HES2: variants seen among roughly 807,000 people sequenced by gnomAD.
HES2 encodes the protein transcription factor HES-2.
HES2 carries 11 observed loss-of-function variants against 11.9 expected under a neutral mutation model. The observed-to-expected ratio is 0.92, with a 90% CI of 0.58 to 1.53. The LOEUF (loss-of-function observed/expected upper bound fraction) is 1.53. HES2 is among the 40% of genes most tolerant of loss of function. The probability of loss-of-function intolerance (pLI) is 0.00; values close to 1 mark genes in which losing one functional copy is unlikely to be tolerated. For missense variants in HES2, 260 were observed against 253.8 expected, an observed-to-expected ratio of 1.02 and a Z score of -0.16; for synonymous variants, 125 against 122.8, an observed-to-expected ratio of 1.02 and a Z score of -0.12.
rs1353114878 is a variant in HES2 at position 6,417,294 on chromosome 1, G to A, written c.*1579C>T. The A allele has an allele frequency of 6.6e-6, 1 of 152,276 alleles. No individual in the cohort carries two copies. Among genetic ancestry groups the A allele is most frequent in the African/African-American group, 2.4e-5 (1 of 41,456 alleles). The allele number at this position is 152,276 out of a possible 1,614,324, so 9.4% of individuals were successfully genotyped here. A position where few individuals can be genotyped will look rare whatever the true frequency, so the allele number is the denominator to read the frequency against. ...GGTCATCATGGGCTTGTGTGGCACA[G>A]TCAGATTTAGTGACCATCCCCACTC... is the stretch of plus-strand genomic sequence containing the variant. On this transcript the variant is annotated 3_prime_UTR_variant, in exon 4 of 4. Transcript: ENST00000377834.
rs1642889423 is a variant in HES2, at chr1:6,419,661, G to C, written c.87C>G (p.Ile29Met). 2 of 1,555,462 alleles carry C rather than the reference G, an allele frequency of 1.3e-6. No homozygotes were observed. Among genetic ancestry groups the C allele is most frequent in the Non-Finnish European group, 1.7e-6 (2 of 1,153,786 alleles). ...PLLEKRRRARINQSLSQLKGL... is the reference protein window; with the variant it reads ...PLLEKRRRARMNQSLSQLKGL... Reference sequence around the variant, plus strand: ...CCTTAAGCTGGCTCAGGCTCTGGTTGATGCGCGCGCGCCGGCGCTTCTCCA... The same window carrying C: ...CCTTAAGCTGGCTCAGGCTCTGGTTCATGCGCGCGCGCCGGCGCTTCTCCA... The change falls in exon 2 of 4, where the codon ATC (isoleucine) becomes ATG (methionine). Residue 29 changes from isoleucine (I) to methionine (M), a missense_variant. Coordinates refer to ENST00000377834, the MANE Select transcript of HES2 (RefSeq NM_019089.5). This position sits in a 1 kb window ranked among gnomAD's most constrained non-coding sequence, Gnocchi z 8.1.
rs1642859479 is a variant in HES2 at position 6,416,967 on chromosome 1, G to C, written c.*1906C>G. The C allele has an allele frequency of 6.6e-6, 1 of 152,352 alleles. No homozygotes were observed. The highest frequency in any genetic ancestry group is 2.4e-5 in the African/African-American group (1 of 41,446). The allele number at this position is 152,352 out of a possible 1,614,324, so 9.4% of individuals were successfully genotyped here. On this transcript the variant is annotated 3_prime_UTR_variant, in exon 4 of 4. Coordinates refer to ENST00000377834, the MANE Select transcript of HES2 (RefSeq NM_019089.5). Reference sequence around the variant, plus strand: ...ATATCCAACAGTGATCCCAGGGCATGGGAGTGGGAGTTAAGGCAAATGCCA... The same window carrying C: ...ATATCCAACAGTGATCCCAGGGCATCGGAGTGGGAGTTAAGGCAAATGCCA...
Position 6,415,352 on chromosome 1 carries a change from A to G in HES2, c.*3521T>C, listed in dbSNP as rs15552. ...CTATTGGCAACATTTTCCCACGAGC[A>G]TGTGCCCACTTTGTATCTGTGTGTC... is the stretch of plus-strand genomic sequence containing the variant. On this transcript the variant is annotated 3_prime_UTR_variant, in exon 4 of 4. Transcript: ENST00000377834. The G allele has an allele frequency of 1.3e-5, 2 of 151,556 alleles. No homozygotes were observed. The highest frequency in any genetic ancestry group is 4.2e-4 in the South Asian group (2 of 4,802). The allele number at this position is 151,556 out of a possible 1,614,324, so 9.4% of individuals were successfully genotyped here.
rs2148494204 is a variant in HES2 at position 6,415,398 on chromosome 1, A to G, written c.*3475T>C. The G allele has an allele frequency of 6.6e-6, 1 of 151,984 alleles. No individual in the cohort carries two copies. The highest frequency in any genetic ancestry group is 1.9e-4 in the East Asian group (1 of 5,170). 9.4% of individuals were successfully genotyped at this position (151,984 alleles called of 1,614,324 possible). On this transcript the variant is annotated 3_prime_UTR_variant, in exon 4 of 4. Transcript: ENST00000377834. ...GTGTCACACTTTCGCAATTCTTGCA[A>G]TATTTCAAACTTCTTCCTTATTATA...
chr1:6,419,405 G>A lies in HES2; in HGVS notation c.142-65C>T. On this transcript the variant is annotated intron_variant, in intron 2 of 3. Transcript: ENST00000377834. The surrounding 1 kb of genome is among the most constrained non-coding windows in gnomAD (Gnocchi z 8.1). ...AGACAGAACTTTGGCCGGCTACCGT[G>A]CGCACCCTCGCTCTAGTCGGGAGCT... 1 of 1,401,400 alleles carries A rather than the reference G, an allele frequency of 7.1e-7. No homozygotes were observed. The highest frequency in any genetic ancestry group is 9.8e-7 in the Non-Finnish European group (1 of 1,020,140). The allele number at this position is 1,401,400 out of a possible 1,614,324, so 86.8% of individuals were successfully genotyped here. A position where few individuals can be genotyped will look rare whatever the true frequency, so the allele number is the denominator to read the frequency against.
At position 6,419,695 on chromosome 1, in the gene HES2, T is replaced by C. The variant is rs1281773066; in HGVS notation, c.53A>G (p.Lys18Arg). Residue 18 changes from lysine (K) to arginine (R), a missense_variant, in exon 2 of 4, where the codon AAG becomes AGG. Coordinates refer to ENST00000377834, the MANE Select transcript of HES2 (RefSeq NM_019089.5). The surrounding 1 kb of genome is among the most constrained non-coding windows in gnomAD (Gnocchi z 8.1). ...GCGCCGGCGCTTCTCCAGCAGCGGC[T>C]TCAGGCTCTGCGGACGGGCGGCGCG... ...GDAAELRKSL[K>R]PLLEKRRRAR... is the part of the protein sequence containing the mutation. 1 of 1,555,940 alleles carries C rather than the reference T, an allele frequency of 6.4e-7. No individual in the cohort carries two copies. The highest frequency in any genetic ancestry group is 1.2e-5 in the South Asian group (1 of 84,660).
In HES2 at chr1:6,415,671, G is replaced by A. The variant is rs569139942; in HGVS notation, c.*3202C>T. 1 of 152,348 alleles carries A rather than the reference G, an allele frequency of 6.6e-6. No homozygotes were observed. The highest frequency in any genetic ancestry group is 2.4e-5 in the African/African-American group (1 of 41,574). The allele number at this position is 152,348 out of a possible 1,614,324, so 9.4% of individuals were successfully genotyped here. Reference sequence around the variant, plus strand: ...GTGCCCGAGGAGCAGGTAGGCGCCTGTCCCAAGCCTGAGTTTCCTGGGAAA... The same window carrying A: ...GTGCCCGAGGAGCAGGTAGGCGCCTATCCCAAGCCTGAGTTTCCTGGGAAA... On this transcript the variant is annotated 3_prime_UTR_variant, in exon 4 of 4. Transcript: ENST00000377834.
chr1:6,419,697 C>A lies in HES2; in HGVS notation c.51G>T (p.Leu17=). The change falls in exon 2 of 4, where the codon CTG becomes CTT. Residue 17 remains leucine (L), a synonymous_variant. Transcript: ENST00000377834. The surrounding 1 kb of genome is among the most constrained non-coding windows in gnomAD (Gnocchi z 8.1). The part of the protein sequence containing the change: ...AGDAAELRKS[L]KPLLEKRRRA... ...GCCGGCGCTTCTCCAGCAGCGGCTT[C>A]AGGCTCTGCGGACGGGCGGCGCGGT... 6.4e-7 allele frequency: 1 copy of A among 1,555,588 alleles called. No individual in the cohort carries two copies.
Position 6,418,965 on chromosome 1 carries a change from G to C in HES2, c.430C>G (p.Pro144Ala). 1.5e-6 allele frequency: 2 copies of C among 1,342,136 alleles called. No homozygotes were observed. Among genetic ancestry groups the C allele is most frequent in the Non-Finnish European group, 1.9e-6 (2 of 1,055,862 alleles). The allele number at this position is 1,342,136 out of a possible 1,614,324, so 83.1% of individuals were successfully genotyped here. A position where few individuals can be genotyped will look rare whatever the true frequency, so the allele number is the denominator to read the frequency against. The change falls in exon 4 of 4, where the codon CCA becomes GCA. Residue 144 changes from proline (P) to alanine (A), a missense_variant. Transcript: ENST00000377834. ...GGCTCTGGGGCAGACGCGGGCGCTG[G>C]GGCGGGGGCAGACGGGCCACTGGAA... ...GDSSGPSAPA[P>A]APASAPEPAS...
rs1385240304 is a variant in HES2 at position 6,419,155 on chromosome 1, T to C, written c.242-2A>G. 3.9e-6 allele frequency: 6 copies of C among 1,544,336 alleles called. No individual in the cohort carries two copies. In the East Asian group the frequency reaches 1.5e-4, roughly 37 times the overall value. On this transcript the variant is annotated splice_acceptor_variant, in intron 3 of 3. Transcript: ENST00000377834. LOFTEE classifies it high-confidence loss of function. This position sits in a 1 kb window ranked among gnomAD's most constrained non-coding sequence, Gnocchi z 8.1. ...CCTCGCGGTAGCTGTCGCAAGGCAC[T>C]GCGGGCGGAGAGCCGCGTGAGGCGC...
Position 6,419,509 on chromosome 1 carries a change from G to T in HES2, c.141+98C>A. The T allele has an allele frequency of 1.6e-6, 2 of 1,255,198 alleles. No homozygotes were observed. Among genetic ancestry groups the T allele is most frequent in the East Asian group, 5.5e-5 (2 of 36,526 alleles). The allele number at this position is 1,255,198 out of a possible 1,614,324, so 77.8% of individuals were successfully genotyped here. On this transcript the variant is annotated intron_variant, in intron 2 of 3. Coordinates refer to ENST00000377834, the MANE Select transcript of HES2 (RefSeq NM_019089.5). This position sits in a 1 kb window ranked among gnomAD's most constrained non-coding sequence, Gnocchi z 8.1. Reference sequence around the variant, plus strand: ...ACCCAGGCTCCGCCTCGGGCGCCGCGCGGAACCCCCTGGTGGGTTCCTCCC... The same window carrying T: ...ACCCAGGCTCCGCCTCGGGCGCCGCTCGGAACCCCCTGGTGGGTTCCTCCC...
Position 6,418,938 on chromosome 1 carries a change from C to A in HES2, c.457G>T (p.Ala153Ser). The change falls in exon 4 of 4, where the codon GCA (alanine) becomes TCA (serine). Residue 153 changes from alanine to serine, a missense_variant. Transcript: ENST00000377834. ...APAPASAPEP[A>S]SAPVPSPPSP... ...GGCGGCGAGGGCACCGGAGCGGATGCGGGCTCTGGGGCAGACGCGGGCGCT... is the reference window on the plus strand; with the variant it reads ...GGCGGCGAGGGCACCGGAGCGGATGAGGGCTCTGGGGCAGACGCGGGCGCT... 7.5e-7 allele frequency: 1 copy of A among 1,326,896 alleles called. No individual in the cohort carries two copies. Among genetic ancestry groups the A allele is most frequent in the Non-Finnish European group, 9.6e-7 (1 of 1,047,114 alleles). 82.2% of individuals were successfully genotyped at this position (1,326,896 alleles called of 1,614,324 possible). A position where few individuals can be genotyped will look rare whatever the true frequency, so the allele number is the denominator to read the frequency against.
chr1:6,419,732 G>GGTCCCCGGA lies in HES2; in HGVS notation c.45+35_46-31dup. ...GGACGGGCGGCGCGGTGGTTAGACG[G>GGTCCCCGGA]GTCCCCGGAGTCCCCAGCCCCGCCC... On this transcript the variant is annotated intron_variant, in intron 1 of 3. Transcript: ENST00000377834. This position sits in a 1 kb window ranked among gnomAD's most constrained non-coding sequence, Gnocchi z 8.1. The GGTCCCCGGA allele has an allele frequency of 6.4e-7, 1 of 1,550,984 alleles. No homozygotes were observed. The highest frequency in any genetic ancestry group is 1.4e-5 in the African/African-American group (1 of 72,584).
rs1642861778 is a variant in HES2, at chr1:6,417,233, G to C, written c.*1640C>G. ...AATGATTTTTTCAATAATGCCTACA[G>C]CTTCCTTCATATCCTGCCACCCAAA... is the stretch of plus-strand genomic sequence containing the variant. On this transcript the variant is annotated 3_prime_UTR_variant, in exon 4 of 4. Transcript: ENST00000377834. 6.6e-6 allele frequency: 1 copy of C among 152,250 alleles called. No individual in the cohort carries two copies. The highest frequency in any genetic ancestry group is 6.5e-5 in the Admixed American group (1 of 15,286). The allele number at this position is 152,250 out of a possible 1,614,324, so 9.4% of individuals were successfully genotyped here. A position where few individuals can be genotyped will look rare whatever the true frequency, so the allele number is the denominator to read the frequency against.
Position 6,417,480 on chromosome 1 carries a change from G to C in HES2, c.*1393C>G, listed in dbSNP as rs751321450. The stretch of plus-strand genomic sequence containing the variant: ...TTCATGAATCCCCCATGAAATGATG[G>C]GTGTTTGCCTGATTATGGGCCAACA... On this transcript the variant is annotated 3_prime_UTR_variant, in exon 4 of 4. Coordinates refer to ENST00000377834, the MANE Select transcript of HES2 (RefSeq NM_019089.5). 7.9e-5 allele frequency: 12 copies of C among 152,196 alleles called. No individual in the cohort carries two copies. Among genetic ancestry groups the C allele is most frequent in the Non-Finnish European group, 1.6e-4 (11 of 68,050 alleles). The allele number at this position is 152,196 out of a possible 1,614,324, so 9.4% of individuals were successfully genotyped here.
rs1308703335 is a variant in HES2 at position 6,417,114 on chromosome 1, C to T, written c.*1759G>A. ...ACGTGGAGGCACGCTCAGCCCCAGC[C>T]TCGCCCTCCGGGAGCTTACAGTCTA... is the stretch of plus-strand genomic sequence containing the variant. On this transcript the variant is annotated 3_prime_UTR_variant, in exon 4 of 4. Transcript: ENST00000377834. The T allele has an allele frequency of 6.6e-6, 1 of 152,320 alleles. No homozygotes were observed. The highest frequency in any genetic ancestry group is 1.5e-5 in the Non-Finnish European group (1 of 68,112). The allele number at this position is 152,320 out of a possible 1,614,324, so 9.4% of individuals were successfully genotyped here. A position where few individuals can be genotyped will look rare whatever the true frequency, so the allele number is the denominator to read the frequency against.
Position 6,419,469 on chromosome 1 carries a change from C to G in HES2, c.142-129G>C, listed in dbSNP as rs576277206. 1.9e-3 allele frequency: 2,175 copies of G among 1,161,008 alleles called. 2 individuals carry two copies. The highest frequency in any genetic ancestry group is 2.2e-3 in the Non-Finnish European group (1,824 of 837,708). The allele number at this position is 1,161,008 out of a possible 1,614,324, so 71.9% of individuals were successfully genotyped here. ...GCCGTGGCCTGCTGGGGGTCCGCTC[C>G]GACGCGCCCACCCCACCCAGGCTCC... On this transcript the variant is annotated intron_variant, in intron 2 of 3. Transcript: ENST00000377834. This position sits in a 1 kb window ranked among gnomAD's most constrained non-coding sequence, Gnocchi z 8.1.
chr1:6,417,298 G>T lies in HES2; in HGVS notation c.*1575C>A, dbSNP rs894130697. On this transcript the variant is annotated 3_prime_UTR_variant, in exon 4 of 4. Coordinates refer to ENST00000377834, the MANE Select transcript of HES2 (RefSeq NM_019089.5). Reference sequence around the variant, plus strand: ...ATCATGGGCTTGTGTGGCACAGTCAGATTTAGTGACCATCCCCACTCCCAC... The same window carrying T: ...ATCATGGGCTTGTGTGGCACAGTCATATTTAGTGACCATCCCCACTCCCAC... 5.9e-5 allele frequency: 9 copies of T among 152,376 alleles called. 1 individual carries two copies. The Middle Eastern group carries it at 0.02, about 346-fold the overall frequency. 9.4% of individuals were successfully genotyped at this position (152,376 alleles called of 1,614,324 possible).
chr1:6,419,780 C>G lies in HES2; in HGVS notation c.41G>C (p.Arg14Pro). 6.4e-7 allele frequency: 1 copy of G among 1,563,358 alleles called. No individual in the cohort carries two copies. Among genetic ancestry groups the G allele is most frequent in the South Asian group, 1.2e-5 (1 of 84,836 alleles). The stretch of plus-strand genomic sequence containing the variant: ...CCCCCAGTCCCCGGTACCCACCTTG[C>G]GCAGCTCCGCCGCGTCCCCTGCCCG... ...PRRAGDAAELRKSLKPLLEKR... is the reference protein window; with the variant it reads ...PRRAGDAAELPKSLKPLLEKR... Residue 14 changes from arginine to proline, a missense_variant, in exon 1 of 4, where the codon CGC becomes CCC. By Grantham distance (103) the Arg-to-Pro change is moderately radical. Coordinates refer to ENST00000377834, the MANE Select transcript of HES2 (RefSeq NM_019089.5). The surrounding 1 kb of genome is among the most constrained non-coding windows in gnomAD (Gnocchi z 8.1).
Sources: allele counts gnomAD v4.1 joint callset, GRCh38; gene constraint gnomAD v4.1.1; non-coding constraint Gnocchi (gnomAD v3.1); transcripts MANE v1.5; gene names NCBI Gene and HGNC (gene_info 2026-07-23, HGNC 2026-07-21).